MAU2: variants seen among roughly 807,000 people sequenced by gnomAD.
MAU2 encodes MAU2 chromatid cohesion factor homolog.
In MAU2, 9 loss-of-function variants were observed where a neutral mutation model predicts 89.1. The ratio of observed to expected loss-of-function variants is 0.10; its 90% CI spans 0.06 to 0.18. The LOEUF is 0.18. Ranked by LOEUF, MAU2 falls within the 10% of genes least tolerant of loss-of-function variation. The pLI is 1.00. For missense variants in MAU2, 425 were observed against 803.5 expected, an observed-to-expected ratio of 0.53 and a Z score of 5.69; for synonymous variants, 357 against 343.4, an observed-to-expected ratio of 1.04 and a Z score of -0.44.
chr19:19,336,058 G>A, intron 2 of MAU2, 64 bp from the exon 3 acceptor site: 1 of 1,184,986 alleles, frequency 8.4e-7, no homozygotes, highest in Non-Finnish European at 1.3e-6. Context: ...GGAGCCCCAA[G>A]CTGTGGCCCT....
intron 13 of MAU2, chr19:19,348,446 C>A (rs1168396802): frequency 3.7e-6 from 1 of 273,794 alleles, no homozygotes; most frequent in Non-Finnish European, 7.1e-6. Context: ...TTTGGCTCCC[C>A]TGTGCCTCTG....
intron 1 of MAU2, among the ~76,000 whole-genome samples, chr19:19,331,966 C>T (rs1407461259): frequency 6.6e-6 from 1 of 152,194 alleles, no homozygotes; most frequent in Admixed American, 6.5e-5. Context: ...CCATTTAGGG[C>T]TTTGTGTCTG....
At chr19:19,327,293 T>C (rs2146656460) in intron 1 of MAU2, among the ~76,000 whole-genome samples, 1 of 148,862 alleles carries the variant, frequency 6.7e-6, no homozygotes, top group African/African-American at 2.5e-5. Context: ...GGCTAATTTT[T>C]TCTACTTGTA....
rs1346148003 is a variant in MAU2 at position 19,355,809 on chromosome 19, C to A, written c.*27C>A. On this transcript the variant is annotated 3_prime_UTR_variant, in exon 19 of 19. Transcript: ENST00000262815. ...GCCTTGATGGGGCCATCCAGCTCCGCAGGGCCTGCGCGTCTCCGGCTTCCA... is the reference window on the plus strand; with the variant it reads ...GCCTTGATGGGGCCATCCAGCTCCGAAGGGCCTGCGCGTCTCCGGCTTCCA... The A allele has an allele frequency of 8.1e-6, 13 of 1,595,400 alleles. No individual in the cohort carries two copies. Among genetic ancestry groups the A allele is most frequent in the Non-Finnish European group, 1.1e-5 (13 of 1,173,820 alleles).
In MAU2 at chr19:19,341,356, G is replaced by C. The variant is rs2061645166; in HGVS notation, c.684G>C (p.Leu228=). 3.1e-6 allele frequency: 5 copies of C among 1,613,924 alleles called. No individual in the cohort carries two copies. The East Asian group carries it at 1.1e-4, about 36-fold the overall frequency. ...WQGNPIQKES[L]RVFFLVLQVT... is the part of the protein sequence containing the mutation. The stretch of plus-strand genomic sequence containing the variant: ...GGAACCCCATCCAGAAGGAGTCGCT[G>C]CGTGTCTTCTTCCTGGTGCTCCAGG... The change falls in exon 7 of 19, where the codon CTG becomes CTC. Residue 228 remains leucine, a synonymous_variant. Transcript: ENST00000262815.
At chr19:19,327,547 G>A (rs1204985004) in intron 1 of MAU2, among the ~76,000 whole-genome samples, 2 of 151,810 alleles carry the variant, frequency 1.3e-5, no homozygotes, top group African/African-American at 4.8e-5. Context: ...GGATGGTCTT[G>A]ATCTCCTGAC....
In MAU2 at chr19:19,320,843, T is replaced by C. The variant is rs1300438358; in HGVS notation, c.-17T>C. 3 of 1,510,602 alleles carry C rather than the reference T, an allele frequency of 2.0e-6. No homozygotes were observed. Among genetic ancestry groups the C allele is most frequent in the Non-Finnish European group, 2.6e-6 (3 of 1,141,840 alleles). The allele number at this position is 1,510,602 out of a possible 1,614,324, so 93.6% of individuals were successfully genotyped here. On this transcript the variant is annotated 5_prime_UTR_variant, in exon 1 of 19. Transcript: ENST00000262815. ...TCCGCCTCCCTGTGGCGGCGGCTTG[T>C]TGTTGTGGAGGCCAAAATGGCGGCT...
intron 17 of MAU2, 194 bp from the exon 18 acceptor site, chr19:19,355,070 G>A (rs2048161796): frequency 3.0e-6 from 2 of 671,372 alleles, no homozygotes; most frequent in African/African-American, 1.8e-5. Context: ...AGCCAGCCCT[G>A]TTCTGCCCTA....
chr19:19,322,533 G>A (rs894741018), intron 1 of MAU2, among the ~76,000 whole-genome samples: 2 of 152,170 alleles, frequency 1.3e-5, no homozygotes, highest in Non-Finnish European at 2.9e-5. Context: ...CCGGGAGGTC[G>A]TGGCTGCAGT....
chr19:19,340,419 C>A lies in MAU2; in HGVS notation c.552-427C>A, dbSNP rs1404285332. The stretch of plus-strand genomic sequence containing the variant: ...CTTTGGGAGGCCGAGGCGGGTGGAT[C>A]ACGAGGTCAGGAGATCGAGACCATC... On this transcript the variant is annotated intron_variant, in intron 5 of 18. Coordinates refer to ENST00000262815, the MANE Select transcript of MAU2 (RefSeq NM_015329.4). 4.6e-5 allele frequency among the ~76,000 whole-genome samples: 7 copies of A among 151,734 alleles called. No homozygotes were observed. In the East Asian group the frequency reaches 9.8e-4, roughly 21 times the overall value.
intron 1 of MAU2, 61 bp downstream of exon 1, chr19:19,321,196 G>C (rs2061451213): frequency 2.5e-5 from 36 of 1,443,780 alleles, no homozygotes; most frequent in Non-Finnish European, 3.3e-5. Context: ...CTGGGCTGAC[G>C]GGTCGCGACC....
intron 4 of MAU2, among the ~76,000 whole-genome samples, chr19:19,337,586 G>A (rs1208588930): frequency 6.6e-6 from 1 of 152,206 alleles, no homozygotes; most frequent in Non-Finnish European, 1.5e-5. Context: ...CTCCCTCCCA[G>A]CCGTTCTCAT....
chr19:19,334,828 A>G (rs531271827), intron 1 of MAU2, among the ~76,000 whole-genome samples: 2 of 151,824 alleles, frequency 1.3e-5, no homozygotes, highest in East Asian at 3.9e-4. Flanking sequence ...CATACTTGCC[A>G]CACATGCTGC....
At chr19:19,323,524 T>C (rs1475316089) in intron 1 of MAU2, among the ~76,000 whole-genome samples, 1 of 150,318 alleles carries the variant, frequency 6.7e-6, no homozygotes, top group Non-Finnish European at 1.5e-5. Context: ...TTATTTATTT[T>C]GAGACAGGGT....
chr19:19,328,091 T>G (rs2061525610), intron 1 of MAU2, among the ~76,000 whole-genome samples: 1 of 149,384 alleles, frequency 6.7e-6, no homozygotes, highest in African/African-American at 2.5e-5. Flanking sequence ...GCCCAGGAGG[T>G]CGAGGCATCA....
chr19:19,324,954 A>C (rs930849807), intron 1 of MAU2, among the ~76,000 whole-genome samples: 3 of 152,136 alleles, frequency 2.0e-5, no homozygotes, highest in Non-Finnish European at 4.4e-5. Context: ...GGAGCTATCA[A>C]CTTTTATTCT....
At chr19:19,342,928 A>G (rs954941253) in intron 9 of MAU2, 62 bp downstream of exon 9, 3 of 1,576,548 alleles carry the variant, frequency 1.9e-6, no homozygotes, top group Non-Finnish European at 2.6e-6. Context: ...GCCTGGCCAG[A>G]CGCTAGCTGT....
At chr19:19,334,433 T>TTTCCCAGTGCCTGTGACA in intron 1 of MAU2, 1 of 985,718 alleles carries the variant, frequency 1.0e-6, no homozygotes, top group South Asian at 4.7e-5. Context: ...AGCTCTGTGC[T>TTTCCCAGTGCCTGTGACA]TTCCCAGTGC....
chr19:19,345,088 T>C lies in MAU2; in HGVS notation c.1155+162T>C. 1.3e-6 allele frequency: 1 copy of C among 747,780 alleles called. No homozygotes were observed. The highest frequency in any genetic ancestry group is 1.7e-5 in the South Asian group (1 of 60,108). 46.3% of individuals were successfully genotyped at this position (747,780 alleles called of 1,614,324 possible). ...AATCATATAACCTTCCCAGGCACGATCCGGAATGCTCCCAGTGAGCATCTT... is the reference window on the plus strand; with the variant it reads ...AATCATATAACCTTCCCAGGCACGACCCGGAATGCTCCCAGTGAGCATCTT... On this transcript the variant is annotated intron_variant, in intron 11 of 18. Coordinates refer to ENST00000262815, the MANE Select transcript of MAU2 (RefSeq NM_015329.4). The surrounding 1 kb of genome is among the most constrained non-coding windows in gnomAD (Gnocchi z 4.9).
Sources: allele counts gnomAD v4.1 joint callset (sites outside exome capture counted in the v4.1 genomes callset), GRCh38; gene constraint gnomAD v4.1.1; non-coding constraint Gnocchi (gnomAD v3.1); transcripts MANE v1.5; gene names NCBI Gene and HGNC (gene_info 2026-07-23, HGNC 2026-07-21).